Variants in DLGAP1 observed in about 807,000 individuals in gnomAD.
DLGAP1 encodes the protein DLG associated protein 1, also known as disks large-associated protein 1.
In DLGAP1, 11 loss-of-function variants were observed where a neutral mutation model predicts 90.8. That is an observed-to-expected ratio of 0.12 (90% confidence interval 0.08 to 0.20). The LOEUF (loss-of-function observed/expected upper bound fraction) is 0.20, where lower values mean the gene tolerates loss of function less well. Ranked by LOEUF, DLGAP1 falls within the 10% of genes least tolerant of loss-of-function variation. The pLI, the probability that DLGAP1 is intolerant of heterozygous loss-of-function variation, is 1.00. For missense variants in DLGAP1, 1,050 were observed against 1,333.8 expected (o/e 0.79, Z 3.31); for synonymous variants, 558 against 540.7 (o/e 1.03, Z -0.44).
intron 2 of DLGAP1, among the ~76,000 whole-genome samples, chr18:4,138,491 C>G (rs1224416766): frequency 6.6e-6 from 1 of 152,004 alleles, no homozygotes; most frequent in African/African-American, 2.4e-5. Context: ...ATAAATCTCA[C>G]TCAGTCATGA....
At chr18:4,113,223 C>T (rs936647725) in intron 2 of DLGAP1, among the ~76,000 whole-genome samples, 1 of 152,214 alleles carries the variant, frequency 6.6e-6, no homozygotes, top group Admixed American at 6.5e-5. Context: ...TACATTTCCA[C>T]CAACAGTGTC....
At chr18:4,415,558 T>C (rs998304753) in intron 1 of DLGAP1, among the ~76,000 whole-genome samples, 3 of 152,194 alleles carry the variant, frequency 2.0e-5, no homozygotes, top group Non-Finnish European at 2.9e-5. Flanking sequence ...AGCTCAAGTT[T>C]CTAAAAACAA....
chr18:3,580,274 G>A, intron 8 of DLGAP1: 1 of 1,606,970 alleles, frequency 6.2e-7, no homozygotes, highest in Non-Finnish European at 8.5e-7. Flanking sequence ...GGACGCTCCA[G>A]GCACCAGCAA....
At chr18:3,820,775 G>A (rs1307532649) in intron 4 of DLGAP1, among the ~76,000 whole-genome samples, 2 of 151,948 alleles carry the variant, frequency 1.3e-5, no homozygotes, top group African/African-American at 2.4e-5. Context: ...GTTAATCTTT[G>A]CAGCAGTTGT....
At chr18:4,152,516 A>T (rs1297986055) in intron 1 of DLGAP1, among the ~76,000 whole-genome samples, 4 of 152,136 alleles carry the variant, frequency 2.6e-5, no homozygotes, top group Non-Finnish European at 5.9e-5. Flanking sequence ...CTCTTTAGAA[A>T]CTCACATCTT....
intron 1 of DLGAP1, among the ~76,000 whole-genome samples, chr18:4,439,289 C>T (rs554994586): frequency 1.3e-5 from 2 of 152,334 alleles, no homozygotes; most frequent in South Asian, 4.1e-4. Flanking sequence ...AGAACTCAGA[C>T]TTCAAACCAA....
At chr18:3,848,958 A>C (rs975995078) in intron 4 of DLGAP1, among the ~76,000 whole-genome samples, 1 of 151,932 alleles carries the variant, frequency 6.6e-6, no homozygotes, top group Admixed American at 6.6e-5. Flanking sequence ...GTTAAACGTG[A>C]CCTCTGGGGC....
intron 11 of DLGAP1, among the ~76,000 whole-genome samples, chr18:3,507,891 C>T (rs966653438): frequency 6.6e-6 from 1 of 152,098 alleles, no homozygotes; most frequent in African/African-American, 2.4e-5. Context: ...CACCTGCCAC[C>T]ATGCCCAGCT....
intron 3 of DLGAP1, among the ~76,000 whole-genome samples, chr18:3,908,129 G>C (rs1459108535): frequency 1.3e-5 from 2 of 152,198 alleles, no homozygotes; most frequent in Non-Finnish European, 2.9e-5. Flanking sequence ...ATTTTTAACA[G>C]TCATTCAGTG....
At chr18:3,596,778 G>C in intron 7 of DLGAP1, 1 of 507,418 alleles carries the variant, frequency 2.0e-6, no homozygotes, top group Non-Finnish European at 3.9e-6. Context: ...GGAGGTGATC[G>C]GGGCAGGAGT....
intron 1 of DLGAP1, among the ~76,000 whole-genome samples, chr18:4,195,678 A>C (rs962854221): frequency 5.9e-5 from 9 of 151,968 alleles, no homozygotes; most frequent in South Asian, 2.1e-4. Context: ...CAGCCTCCTG[A>C]GTAGCTGGGA....
At chr18:4,181,996 A>G (rs1211249610) in intron 1 of DLGAP1, among the ~76,000 whole-genome samples, 1 of 152,140 alleles carries the variant, frequency 6.6e-6, no homozygotes, top group Non-Finnish European at 1.5e-5. Flanking sequence ...CCCCTGCTCC[A>G]GCCTATTTTT....
At chr18:3,701,935 C>T (rs2061292042) in intron 7 of DLGAP1, among the ~76,000 whole-genome samples, 2 of 152,092 alleles carry the variant, frequency 1.3e-5, no homozygotes, top group Admixed American at 1.3e-4. Context: ...CTTGAAGTGA[C>T]TGTTTAAGAT....
chr18:3,734,825 T>C (rs1220099846), intron 6 of DLGAP1, among the ~76,000 whole-genome samples: 2 of 152,224 alleles, frequency 1.3e-5, no homozygotes, highest in Admixed American at 6.5e-5. Context: ...ACCCTTTTTG[T>C]TAATGTGTGT....
chr18:3,853,038 T>C (rs936983731), intron 4 of DLGAP1, among the ~76,000 whole-genome samples: 5 of 152,150 alleles, frequency 3.3e-5, no homozygotes, highest in Non-Finnish European at 7.4e-5. Flanking sequence ...GTTGTTGTTC[T>C]AATTTCTAGA....
At chr18:4,137,476 C>T (rs2076423975) in intron 2 of DLGAP1, among the ~76,000 whole-genome samples, 1 of 152,040 alleles carries the variant, frequency 6.6e-6, no homozygotes, top group Non-Finnish European at 1.5e-5. Context: ...CATTCTGTTC[C>T]ATTGGTCTAT....
intron 1 of DLGAP1, among the ~76,000 whole-genome samples, chr18:4,444,260 A>C (rs1257160991): frequency 1.3e-5 from 2 of 152,166 alleles, no homozygotes; most frequent in Non-Finnish European, 2.9e-5. Flanking sequence ...CTTAAGAAAT[A>C]TGTATTCTGA....
rs372015754 is a variant in DLGAP1 at position 4,205,524 on chromosome 18, A to G, written c.-266-54237T>C. On this transcript the variant is annotated intron_variant, in intron 1 of 12. Transcript: ENST00000315677. ...CTTTCTCTTTTTGAGACAGGGTCTC[A>G]TTCTGTCACGCAGGCCAGCATGCAG... 1.6e-3 allele frequency among the ~76,000 whole-genome samples: 244 copies of G among 152,278 alleles called. 9 individuals are homozygous for G. The South Asian group carries it at 0.047, about 30-fold the overall frequency.
intron 2 of DLGAP1, among the ~76,000 whole-genome samples, chr18:4,026,356 G>A (rs1208185120): frequency 6.6e-6 from 1 of 152,154 alleles, no homozygotes; most frequent in South Asian, 2.1e-4. Flanking sequence ...AAGCAAGAAA[G>A]GGTTTTACAA....
Sources: allele counts gnomAD v4.1 joint callset (sites outside exome capture counted in the v4.1 genomes callset), GRCh38; gene constraint gnomAD v4.1.1; transcripts MANE v1.5; gene names NCBI Gene and HGNC (gene_info 2026-07-23, HGNC 2026-07-21).